Variants in TENM4 observed in about 807,000 individuals in gnomAD.
TENM4 encodes teneurin transmembrane protein 4.
In TENM4, 82 loss-of-function variants were observed where a neutral mutation model predicts 243.3. The ratio of observed to expected loss-of-function variants is 0.34; its 90% CI spans 0.28 to 0.40. TENM4 has a LOEUF of 0.40. TENM4 is among the 10% of genes least tolerant of loss of function. The pLI is 1.00. For missense variants in TENM4, 3,138 were observed against 3,673.3 expected, an observed-to-expected ratio of 0.85 and a Z score of 3.77; for synonymous variants, 1,412 against 1,456.3, an observed-to-expected ratio of 0.97 and a Z score of 0.69.
chr11:79,414,698 A>G (rs576707044), intron 1 of TENM4, among the ~76,000 whole-genome samples: 2 of 152,244 alleles, frequency 1.3e-5, no homozygotes, highest in East Asian at 1.9e-4. Flanking sequence ...TCATTTTTTT[A>G]AAACAGTAAT....
chr11:78,767,607 G>A (rs185629561), intron 18 of TENM4, among the ~76,000 whole-genome samples: 1 of 152,320 alleles, frequency 6.6e-6, no homozygotes, highest in East Asian at 1.9e-4. Flanking sequence ...CTGTAAACAT[G>A]CAGGAGAGGG....
At chr11:79,059,701 T>G (rs1318883727) in intron 6 of TENM4, among the ~76,000 whole-genome samples, 2 of 152,362 alleles carry the variant, frequency 1.3e-5, no homozygotes, top group East Asian at 3.9e-4. Flanking sequence ...CTGAACTTTT[T>G]CATTATCCCA....
chr11:79,326,374 A>C (rs563175504), intron 1 of TENM4, among the ~76,000 whole-genome samples: 1 of 152,184 alleles, frequency 6.6e-6, no homozygotes, highest in South Asian at 2.1e-4. Flanking sequence ...ACACTGCCTA[A>C]ATGCCTTCCT....
At chr11:78,863,177 GA>G in intron 9 of TENM4, 45 bp from the exon 10 acceptor site, 1 of 1,442,354 alleles carries the variant, frequency 6.9e-7, no homozygotes. Context: ...GCTGGAGGCA[GA>G]AACGGGACTC....
intron 1 of TENM4, among the ~76,000 whole-genome samples, chr11:79,301,756 C>T (rs1035788968): frequency 6.6e-6 from 1 of 152,144 alleles, no homozygotes; most frequent in Admixed American, 6.5e-5. Context: ...TAGTACTGTT[C>T]TCTTGATAAC....
intron 1 of TENM4, among the ~76,000 whole-genome samples, chr11:79,330,057 G>T (rs1857037188): frequency 6.6e-6 from 1 of 152,196 alleles, no homozygotes; most frequent in African/African-American, 2.4e-5. Context: ...GTTGTTAAGT[G>T]CTTAATGACT....
chr11:79,105,335 G>T (rs904875925), intron 4 of TENM4, among the ~76,000 whole-genome samples: 8 of 152,146 alleles, frequency 5.3e-5, no homozygotes, highest in African/African-American at 1.9e-4. Flanking sequence ...TCTGACACTG[G>T]GTGAAGAACT....
intron 4 of TENM4, among the ~76,000 whole-genome samples, chr11:79,134,666 A>G (rs1862073448): frequency 6.6e-6 from 1 of 152,208 alleles, no homozygotes; most frequent in Non-Finnish European, 1.5e-5. Flanking sequence ...CCAACGGAAC[A>G]GAATAGAGAA....
In TENM4 at chr11:79,002,912, C is replaced by T. The variant is rs953134061; in HGVS notation, c.493+61826G>A. ...TTCTAAGGAATACAACAGAACAATA[C>T]AGGAGATGAAAGATAAAATGGCCAT... On this transcript the variant is annotated intron_variant, in intron 6 of 33. Transcript: ENST00000278550. 3.9e-5 allele frequency among the ~76,000 whole-genome samples: 6 copies of T among 152,126 alleles called. No individual in the cohort carries two copies. The Middle Eastern group carries it at 0.01, about 259-fold the overall frequency.
intron 19 of TENM4, among the ~76,000 whole-genome samples, chr11:78,741,856 A>G (rs1340774765): frequency 2.0e-5 from 3 of 152,180 alleles, no homozygotes; most frequent in Non-Finnish European, 4.4e-5. Flanking sequence ...GTGGGAGCAA[A>G]TCACTGTCAC....
chr11:78,771,440 G>A (rs995214246), intron 17 of TENM4, among the ~76,000 whole-genome samples: 2 of 152,208 alleles, frequency 1.3e-5, no homozygotes, highest in East Asian at 3.8e-4. Flanking sequence ...TTCTGGAGCC[G>A]GAGTCAGTGG....
chr11:79,081,769 C>T (rs925928401), intron 4 of TENM4, among the ~76,000 whole-genome samples: 8 of 151,998 alleles, frequency 5.3e-5, no homozygotes, highest in Non-Finnish European at 8.8e-5. Context: ...AGGGGCAGGG[C>T]GGGCCTAGAG....
chr11:79,065,063 C>T, intron 5 of TENM4, 56 bp from the exon 6 acceptor site: 1 of 1,433,010 alleles, frequency 7.0e-7, no homozygotes, highest in Non-Finnish European at 9.2e-7. Context: ...TCTGCGTCTG[C>T]CTCTGCCTGA....
Position 78,712,772 on chromosome 11 carries a change from G to A in TENM4, c.3822-58C>T, listed in dbSNP as rs189017031. On this transcript the variant is annotated intron_variant, in intron 25 of 33. Coordinates refer to ENST00000278550, the MANE Select transcript of TENM4 (RefSeq NM_001098816.3). Reference sequence around the variant, plus strand: ...ATTTTCTTCTTCCTATGAGTAGCTGGAGATGTACAGATGAACCCCTGGCCC... The same window carrying A: ...ATTTTCTTCTTCCTATGAGTAGCTGAAGATGTACAGATGAACCCCTGGCCC... 80 of 1,487,866 alleles carry A rather than the reference G, an allele frequency of 5.4e-5. No individual in the cohort carries two copies. In the African/African-American group the frequency reaches 8.7e-4, roughly 16 times the overall value. The allele number at this position is 1,487,866 out of a possible 1,614,324, so 92.2% of individuals were successfully genotyped here.
At chr11:79,035,437 T>C (rs893908241) in intron 6 of TENM4, among the ~76,000 whole-genome samples, 1 of 152,178 alleles carries the variant, frequency 6.6e-6, no homozygotes, top group Non-Finnish European at 1.5e-5. Context: ...CTTATGTCTC[T>C]TCATCCTGCC....
At chr11:79,296,642 T>G (rs575271681) in intron 2 of TENM4, among the ~76,000 whole-genome samples, 1 of 152,370 alleles carries the variant, frequency 6.6e-6, no homozygotes, top group Admixed American at 6.5e-5. Context: ...TGGAACAGTC[T>G]GCTGTTATTA....
chr11:79,182,505 T>C (rs1297347888), intron 3 of TENM4, among the ~76,000 whole-genome samples: 1 of 152,204 alleles, frequency 6.6e-6, no homozygotes, highest in Non-Finnish European at 1.5e-5. Context: ...CTAGGTGATC[T>C]TGGATACGGT....
intron 16 of TENM4, among the ~76,000 whole-genome samples, chr11:78,785,045 T>C (rs1220933449): frequency 1.2e-5 from 1 of 81,656 alleles, no homozygotes; most frequent in African/African-American, 3.6e-5. Flanking sequence ...GTTTTTTTGT[T>C]TCTGTTTTTG....
At chr11:78,868,891 C>G (rs1859053511) in intron 9 of TENM4, among the ~76,000 whole-genome samples, 2 of 152,058 alleles carry the variant, frequency 1.3e-5, no homozygotes, top group African/African-American at 4.8e-5. Flanking sequence ...CAGCTACCCA[C>G]TTTTCTGTTT....
Sources: allele counts gnomAD v4.1 joint callset (sites outside exome capture counted in the v4.1 genomes callset), GRCh38; gene constraint gnomAD v4.1.1; transcripts MANE v1.5; gene names NCBI Gene and HGNC (gene_info 2026-07-23, HGNC 2026-07-21).